Variants in KIF6 observed in about 807,000 individuals in gnomAD.
KIF6 encodes the protein kinesin family member 6.
In KIF6, 106 loss-of-function variants were observed where a neutral mutation model predicts 112.7. The observed-to-expected ratio is 0.94, with a 90% CI of 0.80 to 1.11. KIF6 has a LOEUF of 1.11. Ranked by LOEUF, KIF6 falls within the 50% of genes least tolerant of loss-of-function variation. The pLI is 0.00. For missense variants in KIF6, 929 were observed against 964.0 expected (o/e 0.96, Z 0.48); for synonymous variants, 339 against 339.9 (o/e 1.00, Z 0.03).
chr6:39,388,673 G>T (rs767409048), intron 15 of KIF6, among the ~76,000 whole-genome samples: 1 of 151,896 alleles, frequency 6.6e-6, no homozygotes, highest in Admixed American at 6.5e-5. Context: ...ATGGGTTTTG[G>T]CAAAAAAAGG....
intron 16 of KIF6, among the ~76,000 whole-genome samples, chr6:39,362,965 A>G (rs1029078215): frequency 6.6e-6 from 1 of 152,148 alleles, no homozygotes; most frequent in South Asian, 2.1e-4. Flanking sequence ...CCTGGCCAAC[A>G]TGGTCAAACC....
At chr6:39,510,881 A>AG (rs1440249857) in intron 13 of KIF6, among the ~76,000 whole-genome samples, 9 of 149,110 alleles carry the variant, frequency 6.0e-5, no homozygotes, top group Non-Finnish European at 1.2e-4. Flanking sequence ...GCAAAAAAAA[A>AG]AAAAAAAAAA....
chr6:39,429,238 C>T (rs1000603111), intron 14 of KIF6, among the ~76,000 whole-genome samples: 7 of 152,318 alleles, frequency 4.6e-5, no homozygotes, highest in South Asian at 2.1e-4. Context: ...TCTTCCGGGT[C>T]TACCTTCTTT....
At chr6:39,480,730 C>T (rs959764248) in intron 13 of KIF6, among the ~76,000 whole-genome samples, 3 of 151,954 alleles carry the variant, frequency 2.0e-5, no homozygotes, top group Non-Finnish European at 2.9e-5. Context: ...ATTTTAGTCT[C>T]GCTGCTTGTT....
At chr6:39,505,553 A>C (rs1776375532) in intron 13 of KIF6, among the ~76,000 whole-genome samples, 1 of 152,242 alleles carries the variant, frequency 6.6e-6, no homozygotes, top group Non-Finnish European at 1.5e-5. Flanking sequence ...CTATCATCAG[A>C]GTAAACAGAC....
intron 3 of KIF6, among the ~76,000 whole-genome samples, chr6:39,697,516 G>T (rs1410264170): frequency 1.3e-5 from 2 of 149,274 alleles, no homozygotes; most frequent in South Asian, 4.3e-4. Context: ...ACTAATATTA[G>T]ACTAACCATT....
chr6:39,451,156 T>C (rs1181535179), intron 13 of KIF6, among the ~76,000 whole-genome samples: 1 of 152,226 alleles, frequency 6.6e-6, no homozygotes, highest in African/African-American at 2.4e-5. Flanking sequence ...GGCCACTATA[T>C]GTCAGTTACT....
At chr6:39,706,713 T>C (rs1436136369) in intron 3 of KIF6, among the ~76,000 whole-genome samples, 3 of 152,166 alleles carry the variant, frequency 2.0e-5, no homozygotes, top group African/African-American at 7.2e-5. Flanking sequence ...TGGCCAGAAG[T>C]TGAACAGATT....
At chr6:39,570,908 T>A (rs891575160) in intron 10 of KIF6, among the ~76,000 whole-genome samples, 3 of 152,216 alleles carry the variant, frequency 2.0e-5, no homozygotes, top group Admixed American at 1.3e-4. Context: ...TCTAGCAGTA[T>A]GAATACAGAC....
intron 3 of KIF6, among the ~76,000 whole-genome samples, chr6:39,678,171 CGG>C (rs1787288543): frequency 6.6e-6 from 1 of 150,886 alleles, no homozygotes; most frequent in African/African-American, 2.4e-5. Context: ...GGAGAGGATG[CGG>C]AGAAATAGGA....
At chr6:39,365,686 C>T (rs1765505113) in intron 16 of KIF6, among the ~76,000 whole-genome samples, 1 of 152,188 alleles carries the variant, frequency 6.6e-6, no homozygotes, top group Non-Finnish European at 1.5e-5. Context: ...AAAAAAGTAA[C>T]ACTGTGAATT....
At chr6:39,674,394 T>C (rs1400458812) in intron 3 of KIF6, among the ~76,000 whole-genome samples, 2 of 152,056 alleles carry the variant, frequency 1.3e-5, no homozygotes, top group Non-Finnish European at 2.9e-5. Context: ...ATGACTGGCT[T>C]TTTTGCTTAC....
intron 3 of KIF6, among the ~76,000 whole-genome samples, chr6:39,702,501 T>C (rs1435668791): frequency 1.3e-5 from 2 of 152,240 alleles, no homozygotes; most frequent in African/African-American, 4.8e-5. Context: ...GGCAATGACA[T>C]AATTGGATGC....
At chr6:39,360,926 C>T (rs187201973) in intron 17 of KIF6, among the ~76,000 whole-genome samples, 16 of 152,260 alleles carry the variant, frequency 1.1e-4, no homozygotes, top group East Asian at 3.9e-4. Flanking sequence ...TTTACAGATT[C>T]GGAACCTGAG....
intron 12 of KIF6, among the ~76,000 whole-genome samples, chr6:39,540,518 C>T (rs191059313): frequency 6.6e-6 from 1 of 152,322 alleles, no homozygotes; most frequent in East Asian, 1.9e-4. Context: ...CAAATGAAGG[C>T]TGAATAGTAG....
intron 13 of KIF6, among the ~76,000 whole-genome samples, chr6:39,514,578 C>A (rs537507808): frequency 4.3e-4 from 66 of 152,304 alleles, no homozygotes; most frequent in African/African-American, 1.3e-3. Context: ...TGGGGAATAA[C>A]CTTGCAATAC....
At chr6:39,500,743 G>T (rs1345441255) in intron 13 of KIF6, among the ~76,000 whole-genome samples, 2 of 152,106 alleles carry the variant, frequency 1.3e-5, no homozygotes, top group Admixed American at 6.5e-5. Context: ...TTATCATAGG[G>T]TCATCTCTAT....
intron 7 of KIF6, 68 bp from the exon 8 acceptor site, chr6:39,586,472 C>A: frequency 1.6e-6 from 2 of 1,270,614 alleles, no homozygotes; most frequent in Non-Finnish European, 2.3e-6. Flanking sequence ...AACAACAGAG[C>A]TTCAATAGCA....
chr6:39,558,143 G>C (rs939725461), intron 10 of KIF6, among the ~76,000 whole-genome samples: 4 of 152,070 alleles, frequency 2.6e-5, no homozygotes, highest in African/African-American at 7.2e-5. Flanking sequence ...CTATAGGAGA[G>C]AGATATACCA....
Sources: allele counts gnomAD v4.1 joint callset (sites outside exome capture counted in the v4.1 genomes callset), GRCh38; gene constraint gnomAD v4.1.1; transcripts MANE v1.5; gene names NCBI Gene and HGNC (gene_info 2026-07-23, HGNC 2026-07-21).